The following FBXO24 variants were observed in gnomAD, a reference collection of about 807,000 sequenced individuals.
The protein encoded by FBXO24 is F-box only protein 24.
In FBXO24, 30 loss-of-function variants were observed where a neutral mutation model predicts 63.5. That is an observed-to-expected ratio of 0.47 (90% CI 0.35 to 0.64). The LOEUF is 0.64. FBXO24 is among the 30% of genes least tolerant of loss of function. The pLI is 0.00. For missense variants in FBXO24, 624 were observed against 763.4 expected (o/e 0.82, Z 2.15); for synonymous variants, 300 against 305.0 (o/e 0.98, Z 0.17).
In FBXO24 at chr7:100,600,833, C is replaced by T; in HGVS notation, c.1677C>T (p.Ala559=). The T allele has an allele frequency of 2.5e-6, 4 of 1,614,032 alleles. 1 individual carries two copies. Among genetic ancestry groups the T allele is most frequent in the South Asian group, 2.2e-5 (2 of 91,086 alleles). The change falls in exon 10 of 10, where the codon GCC becomes GCT. Residue 559 remains alanine (A), a synonymous_variant. Transcript: ENST00000241071. The surrounding 1 kb of genome is among the most constrained non-coding windows in gnomAD (Gnocchi z 6.3). ...CACAGAAGGACTTCTTCTGGGAGGC[C>T]CTGGACATGCTGCAGAGGGCTGAAG... ...MAAQKDFFWE[A]LDMLQRAEGG... is the part of the protein sequence containing the mutation.
chr7:100,590,266 C>A lies in FBXO24; in HGVS notation c.231C>A (p.Gly77=). ...TCCACGAAGTGTGCGATGGGGAAGG[C>A]GTGTGGAGACGCATCTGTCGCAGAC... ...RYFHEVCDGE[G]VWRRICRRLS... The change falls in exon 3 of 10, where the codon GGC becomes GGA. Residue 77 remains glycine (G), a synonymous_variant. Transcript: ENST00000241071. The A allele has an allele frequency of 1.2e-6, 2 of 1,614,140 alleles. No homozygotes were observed. Among genetic ancestry groups the A allele is most frequent in the Non-Finnish European group, 1.7e-6 (2 of 1,180,016 alleles).
chr7:100,599,695 TC>T, intron 8 of FBXO24: 1 of 266,408 alleles, frequency 3.8e-6, no homozygotes, highest in South Asian at 5.0e-5. Flanking sequence ...GAAGCAAGTC[TC>T]CCCGAGGCTG....
At chr7:100,599,136 CCCAACTACTCAGGAGG>C (rs1476257279) in intron 8 of FBXO24, among the ~76,000 whole-genome samples, 3 of 152,134 alleles carry the variant, frequency 2.0e-5, no homozygotes, top group African/African-American at 4.8e-5. Context: ...TGCCTGTATT[CCCAACTACTCAGGAGG>C]CTGAGGCAGA....
rs138288400 is a variant in FBXO24, at chr7:100,591,767, C to G, written c.423C>G (p.Pro141=). 5.6e-6 allele frequency: 9 copies of G among 1,614,154 alleles called. No individual in the cohort carries two copies. The highest frequency in any genetic ancestry group is 6.8e-6 in the Non-Finnish European group (8 of 1,180,054). The change falls in exon 4 of 10, where the codon CCC becomes CCG. Residue 141 remains proline (P), a synonymous_variant. Coordinates refer to ENST00000241071, the MANE Select transcript of FBXO24 (RefSeq NM_033506.3). ...CCCACGGCTACCGCCGCTTCTTGCC[C>G]ACCAAGGATCACGTCTTCATTCTTG... ...LLAHGYRRFL[P]TKDHVFILDY...
chr7:100,589,702 G>A lies in FBXO24; in HGVS notation c.40-275G>A, dbSNP rs201458558. 9.6e-4 allele frequency: 1,491 copies of A among 1,545,682 alleles called. No homozygotes were observed. Among genetic ancestry groups the A allele is most frequent in the Non-Finnish European group, 1.2e-3 (1,368 of 1,143,230 alleles). ...GGGCCTAGGAGACAGGAGGGCAGGA[G>A]CAGGGAGGGGGCAATCAGGATGGTC... On this transcript the variant is annotated intron_variant, in intron 1 of 9. Transcript: ENST00000241071.
intron 8 of FBXO24, among the ~76,000 whole-genome samples, chr7:100,599,089 T>A (rs909794610): frequency 6.6e-6 from 1 of 151,608 alleles, no homozygotes; most frequent in Non-Finnish European, 1.5e-5. Context: ...AATTTAAAAT[T>A]TAAAAATTAT....
chr7:100,590,614 G>A (rs1440181716), intron 3 of FBXO24, among the ~76,000 whole-genome samples: 1 of 152,086 alleles, frequency 6.6e-6, no homozygotes, highest in Non-Finnish European at 1.5e-5. Context: ...TTCCCTAGAG[G>A]CATCCCTCAC....
intron 1 of FBXO24, 39 bp downstream of exon 1, chr7:100,586,703 C>T (rs1247162692): frequency 6.2e-7 from 1 of 1,612,292 alleles, no homozygotes; most frequent in Non-Finnish European, 8.5e-7. Context: ...AGAATGAACG[C>T]GGAGCCCCTG....
intron 1 of FBXO24, 116 bp downstream of exon 1, chr7:100,586,780 G>A: frequency 8.7e-7 from 1 of 1,150,024 alleles, no homozygotes; most frequent in Non-Finnish European, 1.3e-6. Context: ...GGGGCTAGCC[G>A]GCGTCCAGGG....
At chr7:100,591,971 G>C (rs945749827) in intron 4 of FBXO24, 69 bp downstream of exon 4, 3 of 1,495,872 alleles carry the variant, frequency 2.0e-6, no homozygotes, top group Non-Finnish European at 2.8e-6. Flanking sequence ...CTATAAAGAC[G>C]TACCAGAGGC....
chr7:100,589,679 G>A (rs899526929), intron 1 of FBXO24: 1 of 1,537,254 alleles, frequency 6.5e-7, no homozygotes, highest in Non-Finnish European at 8.8e-7. Context: ...GGGGCCAAGG[G>A]CCTAGGAGAC....
rs527596529 is a variant in FBXO24 at position 100,586,467 on chromosome 7, G to A, written c.-159G>A. The A allele has an allele frequency of 2.7e-6, 2 of 752,220 alleles. No individual in the cohort carries two copies. The highest frequency in any genetic ancestry group is 4.5e-6 in the Non-Finnish European group (2 of 443,142). 46.6% of individuals were successfully genotyped at this position (752,220 alleles called of 1,614,324 possible). ...ACCGGCACTCCACTAGCAGGAAAAC[G>A]GGCCGAGGGACCGCAAGCAGGGGGT... On this transcript the variant is annotated 5_prime_UTR_variant, in exon 1 of 10. Coordinates refer to ENST00000241071, the MANE Select transcript of FBXO24 (RefSeq NM_033506.3).
In FBXO24 at chr7:100,600,875, AG is replaced by A; in HGVS notation, c.1722del (p.Pro576GlnfsTer46). ...GGGCTGAAGGAGGCGGGGGTGGTGT[AG>A]GGCCCCCAGCCCCTGAGACCTAATC... Reference protein sequence around the residue: ...QRAEGGGGGVGPPAPET With the variant: ...QRAEGGGGGVXPPAPET On this transcript the variant is annotated frameshift_variant, in exon 10 of 10. Coordinates refer to ENST00000241071, the MANE Select transcript of FBXO24 (RefSeq NM_033506.3). LOFTEE classifies it high-confidence loss of function. This position sits in a 1 kb window ranked among gnomAD's most constrained non-coding sequence, Gnocchi z 6.3. The A allele has an allele frequency of 6.2e-7, 1 of 1,613,408 alleles. No homozygotes were observed. Among genetic ancestry groups the A allele is most frequent in the Non-Finnish European group, 8.5e-7 (1 of 1,179,696 alleles).
Position 100,600,629 on chromosome 7 carries a change from G to T in FBXO24, c.1473G>T (p.Leu491=), listed in dbSNP as rs1189979596. ...AGCAGCACGCCCCCTATCGCCACCTGCCAGCCAGCAGGGTGGTGGGGACTC... is the reference window on the plus strand; with the variant it reads ...AGCAGCACGCCCCCTATCGCCACCTTCCAGCCAGCAGGGTGGTGGGGACTC... ...DIEQHAPYRH[L]PASRVVGTPE... The change falls in exon 10 of 10, where the codon CTG becomes CTT. Residue 491 remains leucine, a synonymous_variant. Coordinates refer to ENST00000241071, the MANE Select transcript of FBXO24 (RefSeq NM_033506.3). The surrounding 1 kb of genome is among the most constrained non-coding windows in gnomAD (Gnocchi z 6.3). The T allele has an allele frequency of 1.9e-6, 3 of 1,613,760 alleles. No homozygotes were observed. The highest frequency in any genetic ancestry group is 2.5e-6 in the Non-Finnish European group (3 of 1,179,766).
chr7:100,600,918 A>G lies in FBXO24; in HGVS notation c.*19A>G. The stretch of plus-strand genomic sequence containing the variant: ...GACCTAATCCCCCTCATGCTAGCCT[A>G]GTCCCTGGAGGAGGGAGTCCGGCCC... On this transcript the variant is annotated 3_prime_UTR_variant, in exon 10 of 10. Transcript: ENST00000241071. The surrounding 1 kb of genome is among the most constrained non-coding windows in gnomAD (Gnocchi z 6.3). 2 of 1,603,470 alleles carry G rather than the reference A, an allele frequency of 1.2e-6. No homozygotes were observed. Among genetic ancestry groups the G allele is most frequent in the Non-Finnish European group, 1.7e-6 (2 of 1,174,780 alleles).
chr7:100,595,037 G>A (rs1023008718), intron 6 of FBXO24, 65 bp from the exon 7 acceptor site: 6 of 1,599,564 alleles, frequency 3.8e-6, no homozygotes, highest in Non-Finnish European at 5.1e-6. Flanking sequence ...TTCATCCCAG[G>A]TGGGGCCTTA....
In FBXO24 at chr7:100,600,713, C is replaced by T. The variant is rs139735860; in HGVS notation, c.1557C>T (p.Cys519=). ...ACCCCGGGGGGATGGCCCAGGCCTG[C>T]GAGGAGTACCTCAGCCAGATCCACA... is the stretch of plus-strand genomic sequence containing the variant. ...PQDPGGMAQA[C]EEYLSQIHSC... is the part of the protein sequence containing the mutation. Residue 519 remains cysteine, a synonymous_variant, in exon 10 of 10, where the codon TGC becomes TGT. Transcript: ENST00000241071. The surrounding 1 kb of genome is among the most constrained non-coding windows in gnomAD (Gnocchi z 6.3). 6.1e-5 allele frequency: 98 copies of T among 1,614,150 alleles called. No individual in the cohort carries two copies. In the African/African-American group the frequency reaches 9.9e-4, roughly 16 times the overall value.
chr7:100,586,474 G>T lies in FBXO24; in HGVS notation c.-152G>T. ...CTCCACTAGCAGGAAAACGGGCCGA[G>T]GGACCGCAAGCAGGGGGTGCCTAGT... On this transcript the variant is annotated 5_prime_UTR_variant, in exon 1 of 10. In the 5' UTR this introduces an upstream ATG that the reference lacks. Transcript: ENST00000241071. The T allele has an allele frequency of 2.5e-6, 2 of 793,810 alleles. No individual in the cohort carries two copies. Among genetic ancestry groups the T allele is most frequent in the Non-Finnish European group, 4.2e-6 (2 of 475,472 alleles). 49.2% of individuals were successfully genotyped at this position (793,810 alleles called of 1,614,324 possible).
At chr7:100,591,612 C>T in intron 3 of FBXO24, 55 bp from the exon 4 acceptor site, 1 of 1,541,054 alleles carries the variant, frequency 6.5e-7, no homozygotes, top group East Asian at 2.3e-5. Flanking sequence ...AGCTCCAACT[C>T]ATCTCCCTCG....
Sources: gnomAD v4.1 joint callset for allele counts (sites outside exome capture counted in the v4.1 genomes callset) on GRCh38, gnomAD v4.1.1 for gene constraint, Gnocchi (gnomAD v3.1) non-coding constraint, MANE v1.5 for transcripts, NCBI Gene and HGNC (gene_info 2026-07-23, HGNC 2026-07-21) for gene names.